SPAG6: variants seen among roughly 807,000 people sequenced by gnomAD.
SPAG6 encodes the protein sperm-associated antigen 6.
SPAG6 carries 49 observed loss-of-function variants against 58.5 expected under a neutral mutation model. That is an observed-to-expected ratio of 0.84 (90% CI 0.67 to 1.06). The LOEUF is 1.06. SPAG6 is among the 50% of genes least tolerant of loss of function. The pLI, the probability that SPAG6 is intolerant of heterozygous loss-of-function variation, is 0.00. For synonymous variants in SPAG6, 233 were observed against 225.6 expected, an observed-to-expected ratio of 1.03 and a Z score of -0.29; for missense variants, 560 against 611.3, an observed-to-expected ratio of 0.92 and a Z score of 0.89.
chr10:22,350,382 T>A (rs115084889), intron 2 of SPAG6, among the ~76,000 whole-genome samples: 1 of 152,056 alleles, frequency 6.6e-6, no homozygotes, highest in Non-Finnish European at 1.5e-5. Flanking sequence ...CATTGGTACA[T>A]AGTAGAAAAT....
intron 4 of SPAG6, among the ~76,000 whole-genome samples, chr10:22,378,004 A>T (rs989016645): frequency 1.3e-5 from 2 of 148,700 alleles, no homozygotes; most frequent in Non-Finnish European, 3.0e-5. Flanking sequence ...TAATTAAAAA[A>T]TTGTTATGTA....
chr10:22,376,026 C>T (rs1485665079), intron 4 of SPAG6, among the ~76,000 whole-genome samples: 1 of 152,164 alleles, frequency 6.6e-6, no homozygotes, highest in Non-Finnish European at 1.5e-5. Context: ...CTTTTGCACA[C>T]TTGAACTGAG....
At chr10:22,359,719 T>G (rs1412649836) in intron 2 of SPAG6, among the ~76,000 whole-genome samples, 1 of 152,220 alleles carries the variant, frequency 6.6e-6, no homozygotes, top group Non-Finnish European at 1.5e-5. Context: ...TAAAAAAATT[T>G]TAAAAGCAGG....
chr10:22,364,290 TATA>T (rs1391042691), intron 2 of SPAG6, among the ~76,000 whole-genome samples: 7 of 152,214 alleles, frequency 4.6e-5, no homozygotes, highest in Admixed American at 3.9e-4. Context: ...AGTGCTTGCA[TATA>T]ATAAGTCCTT....
chr10:22,409,868 T>A (rs1834686159), intron 9 of SPAG6, among the ~76,000 whole-genome samples: 1 of 152,136 alleles, frequency 6.6e-6, no homozygotes, highest in Non-Finnish European at 1.5e-5. Flanking sequence ...GTCTCCCTGA[T>A]CCTAAGATCA....
At chr10:22,382,225 G>A (rs958537147) in intron 4 of SPAG6, among the ~76,000 whole-genome samples, 13 of 152,092 alleles carry the variant, frequency 8.5e-5, no homozygotes, top group Admixed American at 6.6e-5. Flanking sequence ...CACAGAGGAG[G>A]CTGCCTCAGT....
chr10:22,345,569 T>C lies in SPAG6; in HGVS notation c.-43T>C. 2 of 1,501,320 alleles carry C rather than the reference T, an allele frequency of 1.3e-6. No homozygotes were observed. Among genetic ancestry groups the C allele is most frequent in the Non-Finnish European group, 1.8e-6 (2 of 1,119,996 alleles). The allele number at this position is 1,501,320 out of a possible 1,614,324, so 93.0% of individuals were successfully genotyped here. On this transcript the variant is annotated 5_prime_UTR_variant, in exon 1 of 11. Coordinates refer to ENST00000376624, the MANE Select transcript of SPAG6 (RefSeq NM_012443.4). This position sits in a 1 kb window ranked among gnomAD's most constrained non-coding sequence, Gnocchi z 6.3. The stretch of plus-strand genomic sequence containing the variant: ...TTGGTGGACTCGCAGGCCGAGCGGC[T>C]TCCCCGCAGAGCTCGAGGAGGGCAG...
chr10:22,388,664 A>G (rs972803807), intron 6 of SPAG6, among the ~76,000 whole-genome samples: 3 of 152,132 alleles, frequency 2.0e-5, no homozygotes, highest in Non-Finnish European at 4.4e-5. Context: ...TTAAGTCCTC[A>G]TTGTTTATTT....
intron 4 of SPAG6, among the ~76,000 whole-genome samples, chr10:22,378,154 C>T (rs2080758722): frequency 6.6e-6 from 1 of 150,396 alleles, no homozygotes; most frequent in Non-Finnish European, 1.5e-5. Flanking sequence ...ACCTCCGCCT[C>T]CTGGGTTCAA....
chr10:22,352,756 G>A (rs1024319463), intron 2 of SPAG6, among the ~76,000 whole-genome samples: 6 of 152,206 alleles, frequency 3.9e-5, no homozygotes, highest in East Asian at 3.9e-4. Flanking sequence ...TGATCCACCC[G>A]CCTCGGCCTC....
At position 22,368,541 on chromosome 10, in the gene SPAG6, A is replaced by T; in HGVS notation, c.335A>T (p.Lys112Ile). ...GCCTTTGTGTTACGAGCAGTTGGTA[A>T]ACATTCTCCCCAGCTAGCTCAGGCA... ...AAAFVLRAVG[K>I]HSPQLAQAIV... Residue 112 changes from lysine (K) to isoleucine (I), a missense_variant, in exon 4 of 11, where the codon AAA (lysine) becomes ATA (isoleucine). Lys to Ile is a moderately radical substitution (Grantham distance 102, BLOSUM62 -3). Transcript: ENST00000376624. The T allele has an allele frequency of 6.2e-7, 1 of 1,613,980 alleles. No individual in the cohort carries two copies. The highest frequency in any genetic ancestry group is 8.5e-7 in the Non-Finnish European group (1 of 1,179,954).
Position 22,386,779 on chromosome 10 carries a change from A to C in SPAG6, c.498A>C (p.Ala166=). The change falls in exon 5 of 11, where the codon GCA becomes GCC. Residue 166 remains alanine, a synonymous_variant. Transcript: ENST00000376624. ...AACTGTCACAAGCTGTGGTGGATGC[A>C]GGAGCTGTTCCTCTTTTAGTACTCT... ...NAELSQAVVD[A]GAVPLLVLCI... 6.2e-7 allele frequency: 1 copy of C among 1,613,570 alleles called. No individual in the cohort carries two copies. Among genetic ancestry groups the C allele is most frequent in the Non-Finnish European group, 8.5e-7 (1 of 1,179,554 alleles).
At position 22,387,911 on chromosome 10, in the gene SPAG6, T is replaced by C; in HGVS notation, c.767T>C (p.Val256Ala). ...MVVEAEIFPV[V>A]LTCLKDKDEY... ...GTTGAAGCAGAGATTTTTCCAGTTG[T>C]ACTTACCTGTCTGAAGGACAAGGAT... Residue 256 changes from valine to alanine, a missense_variant, in exon 6 of 11, where the codon GTA becomes GCA. Val to Ala is a moderately conservative substitution (Grantham distance 64). Coordinates refer to ENST00000376624, the MANE Select transcript of SPAG6 (RefSeq NM_012443.4). The C allele has an allele frequency of 6.2e-7, 1 of 1,613,596 alleles. No homozygotes were observed.
At chr10:22,380,778 A>T (rs1833934311) in intron 4 of SPAG6, among the ~76,000 whole-genome samples, 1 of 152,224 alleles carries the variant, frequency 6.6e-6, no homozygotes, top group African/African-American at 2.4e-5. Context: ...ATGAAACAAA[A>T]TATAACTTTG....
rs66467320 is a variant in SPAG6, at chr10:22,376,549, CAT to C, written c.472+7872_472+7873del. Among the ~76,000 whole-genome samples, 1,105 of 152,148 alleles carry C rather than the reference CAT, an allele frequency of 7.3e-3. 7 individuals carry two copies. The highest frequency in any genetic ancestry group is 9.6e-3 in the Non-Finnish European group (650 of 67,992). On this transcript the variant is annotated intron_variant, in intron 4 of 10. Coordinates refer to ENST00000376624, the MANE Select transcript of SPAG6 (RefSeq NM_012443.4). ...TAGTAATTCTGTGGTCTTAAAAAGA[CAT>C]GTGTTATTTTTGTTTATACATACGT...
chr10:22,374,304 C>G (rs1833768285), intron 4 of SPAG6, among the ~76,000 whole-genome samples: 1 of 152,058 alleles, frequency 6.6e-6, no homozygotes, highest in African/African-American at 2.4e-5. Context: ...ATATGAAGTA[C>G]AATAAATTGA....
intron 4 of SPAG6, among the ~76,000 whole-genome samples, chr10:22,382,264 G>A (rs1833973843): frequency 6.6e-6 from 1 of 152,104 alleles, no homozygotes; most frequent in African/African-American, 2.4e-5. Flanking sequence ...CTACTCCTAA[G>A]CCACATAAAA....
At chr10:22,390,919 T>A (rs904335803) in intron 7 of SPAG6, among the ~76,000 whole-genome samples, 2 of 152,218 alleles carry the variant, frequency 1.3e-5, no homozygotes, top group Non-Finnish European at 2.9e-5. Flanking sequence ...TGATCTTTTT[T>A]TGTGGTACCA....
intron 2 of SPAG6, among the ~76,000 whole-genome samples, chr10:22,362,448 A>G (rs1490862555): frequency 2.0e-5 from 3 of 152,174 alleles, no homozygotes; most frequent in African/African-American, 7.2e-5. Flanking sequence ...ATTATAAAAA[A>G]TATGAAGTAA....
Sources: allele counts gnomAD v4.1 joint callset (sites outside exome capture counted in the v4.1 genomes callset), GRCh38; gene constraint gnomAD v4.1.1; non-coding constraint Gnocchi (gnomAD v3.1); transcripts MANE v1.5; gene names NCBI Gene and HGNC (gene_info 2026-07-23, HGNC 2026-07-21).